Variants in DENND2A observed in about 807,000 individuals in gnomAD.
DENND2A encodes the protein DENN domain containing 2A, also known as DENN domain-containing protein 2A.
DENND2A carries 53 observed loss-of-function variants against 105.3 expected under a neutral mutation model. The observed-to-expected ratio is 0.50, with a 90% CI of 0.40 to 0.63. The LOEUF is 0.63. Among genes scored for constraint, DENND2A ranks in the 30% least tolerant of loss-of-function variants. The pLI is 0.00. For missense variants in DENND2A, 1,138 were observed against 1,279.6 expected, an observed-to-expected ratio of 0.89 and a Z score of 1.69; for synonymous variants, 522 against 508.4, an observed-to-expected ratio of 1.03 and a Z score of -0.36.
rs1279856417 is a variant in DENND2A at position 140,640,513 on chromosome 7, G to A, written c.-257C>T. 6.6e-6 allele frequency: 1 copy of A among 150,774 alleles called. No individual in the cohort carries two copies. Among genetic ancestry groups the A allele is most frequent in the Non-Finnish European group, 1.5e-5 (1 of 67,494 alleles). 9.3% of individuals were successfully genotyped at this position (150,774 alleles called of 1,614,324 possible). A position where few individuals can be genotyped will look rare whatever the true frequency, so the allele number is the denominator to read the frequency against. On this transcript the variant is annotated 5_prime_UTR_variant, in exon 1 of 20. Transcript: ENST00000496613. The surrounding 1 kb of genome is among the most constrained non-coding windows in gnomAD (Gnocchi z 4.9). ...CCCGGCCCGGCCCTACCTCCCCGCG[G>A]GCGGCGGCTCCGCGGGCTCTGGGGC...
In DENND2A at chr7:140,518,700, C is replaced by T; in HGVS notation, c.*7G>A. 6.2e-7 allele frequency: 1 copy of T among 1,613,454 alleles called. No individual in the cohort carries two copies. Among genetic ancestry groups the T allele is most frequent in the Non-Finnish European group, 8.5e-7 (1 of 1,179,412 alleles). On this transcript the variant is annotated 3_prime_UTR_variant, in exon 20 of 20. Coordinates refer to ENST00000496613, the MANE Select transcript of DENND2A (RefSeq NM_015689.5). ...ACTAGGAGGAAGTTTTCCCTTGAGG[C>T]TGAGAGTTATTTCTTGTGGAGAAAT...
chr7:140,555,837 C>T, intron 11 of DENND2A, 124 bp from the exon 12 acceptor site: 1 of 676,438 alleles, frequency 1.5e-6, no homozygotes, highest in South Asian at 2.3e-5. Flanking sequence ...TCTGGAAAAC[C>T]CAATAAAGTA....
chr7:140,568,440 G>A (rs372769213), intron 8 of DENND2A, among the ~76,000 whole-genome samples: 7 of 152,208 alleles, frequency 4.6e-5, no homozygotes, highest in African/African-American at 1.7e-4. Flanking sequence ...GTGGGCAGAA[G>A]CTCCAGGTCT....
At chr7:140,534,994 G>C (rs1459630986) in intron 14 of DENND2A, among the ~76,000 whole-genome samples, 2 of 152,126 alleles carry the variant, frequency 1.3e-5, no homozygotes, top group Non-Finnish European at 2.9e-5. Flanking sequence ...AGAACATCAG[G>C]ACGCACTTGT....
At chr7:140,632,781 C>G (rs1034997343) in intron 1 of DENND2A, among the ~76,000 whole-genome samples, 2 of 150,934 alleles carry the variant, frequency 1.3e-5, no homozygotes, top group African/African-American at 4.9e-5. Context: ...CCAGACGGAT[C>G]TCCAACTCCT....
At position 140,640,107 on chromosome 7, in the gene DENND2A, TCACA is replaced by T. The variant is rs1181650144; in HGVS notation, c.-248+393_-248+396del. 1 of 152,416 alleles carries T rather than the reference TCACA, an allele frequency of 6.6e-6. No homozygotes were observed. Among genetic ancestry groups the T allele is most frequent in the African/African-American group, 2.4e-5 (1 of 41,278 alleles). The allele number at this position is 152,416 out of a possible 1,614,324, so 9.4% of individuals were successfully genotyped here. A position where few individuals can be genotyped will look rare whatever the true frequency, so the allele number is the denominator to read the frequency against. On this transcript the variant is annotated intron_variant, in intron 1 of 19. Coordinates refer to ENST00000496613, the MANE Select transcript of DENND2A (RefSeq NM_015689.5). The surrounding 1 kb of genome is among the most constrained non-coding windows in gnomAD (Gnocchi z 4.9). ...CGCGCTTGCACGCGCACGCACACAC[TCACA>T]CACACTCGCACAGACACACTCACAC...
chr7:140,596,641 A>G (rs183615354), intron 3 of DENND2A, among the ~76,000 whole-genome samples: 21 of 152,360 alleles, frequency 1.4e-4, no homozygotes, highest in Admixed American at 1.4e-3. Flanking sequence ...TAAAGCTCCA[A>G]GGAAAGGCCA....
At chr7:140,580,436 C>G (rs1798495533) in intron 5 of DENND2A, among the ~76,000 whole-genome samples, 1 of 152,124 alleles carries the variant, frequency 6.6e-6, no homozygotes, top group Admixed American at 6.6e-5. Context: ...TCTCCCATGT[C>G]AGCATCCCGA....
At chr7:140,621,576 C>T (rs1054882545) in intron 1 of DENND2A, among the ~76,000 whole-genome samples, 30 of 152,078 alleles carry the variant, frequency 2.0e-4, no homozygotes, top group African/African-American at 7.0e-4. Flanking sequence ...ATTGAATCCT[C>T]GGATGCGGAA....
chr7:140,638,425 G>A (rs1801034926), intron 1 of DENND2A, among the ~76,000 whole-genome samples: 3 of 152,140 alleles, frequency 2.0e-5, no homozygotes, highest in Admixed American at 1.3e-4. Context: ...CCTGCCTCTT[G>A]ATCCTGGCAT....
Position 140,527,771 on chromosome 7 carries a change from G to C in DENND2A, c.2328-276C>G, listed in dbSNP as rs914368410. Among the ~76,000 whole-genome samples, 1 of 152,058 alleles carries C rather than the reference G, an allele frequency of 6.6e-6. No individual in the cohort carries two copies. The highest frequency in any genetic ancestry group is 1.5e-5 in the Non-Finnish European group (1 of 68,016). ...TGAGCTGCACGCCCTGCACTCTCCC[G>C]CCCTGACCTTTTTTTGTGATCTATA... is the stretch of plus-strand genomic sequence containing the variant. On this transcript the variant is annotated intron_variant, in intron 14 of 19. Transcript: ENST00000496613. This position sits in a 1 kb window ranked among gnomAD's most constrained non-coding sequence, Gnocchi z 4.9.
intron 12 of DENND2A, among the ~76,000 whole-genome samples, chr7:140,555,134 TC>T (rs1797304374): frequency 1.2e-5 from 1 of 86,276 alleles, no homozygotes; most frequent in African/African-American, 4.7e-5. Context: ...CTTCATTAAC[TC>T]TTTTTTTTTT....
At chr7:140,610,706 T>C (rs1799864261) in intron 1 of DENND2A, among the ~76,000 whole-genome samples, 1 of 152,062 alleles carries the variant, frequency 6.6e-6, no homozygotes, top group African/African-American at 2.4e-5. Context: ...TTCCCACAAG[T>C]AGGAAGAGGA....
chr7:140,527,133 T>G lies in DENND2A; in HGVS notation c.2505+185A>C, dbSNP rs1796084704. ...TTGGAAGGGAAAACAGTGTTTGCAG[T>G]CACTGAGGGTCTGACTGAGTCAGCC... On this transcript the variant is annotated intron_variant, in intron 15 of 19. Transcript: ENST00000496613. The surrounding 1 kb of genome is among the most constrained non-coding windows in gnomAD (Gnocchi z 4.9). 1.3e-5 allele frequency among the ~76,000 whole-genome samples: 2 copies of G among 152,174 alleles called. No homozygotes were observed. The highest frequency in any genetic ancestry group is 4.8e-5 in the African/African-American group (2 of 41,430).
chr7:140,519,780 A>T, intron 18 of DENND2A, 62 bp from the exon 19 acceptor site: 3 of 1,425,644 alleles, frequency 2.1e-6, no homozygotes, highest in Non-Finnish European at 3.0e-6. Flanking sequence ...AAATGTGTCC[A>T]TTTCCTCCCT....
intron 1 of DENND2A, among the ~76,000 whole-genome samples, chr7:140,612,505 A>AG (rs576223402): frequency 3.4e-5 from 5 of 145,482 alleles, no homozygotes; most frequent in African/African-American, 1.3e-4. Flanking sequence ...TGTTATACTA[A>AG]TTTTTTTTTT....
chr7:140,595,382 A>T (rs949745820), intron 3 of DENND2A, among the ~76,000 whole-genome samples: 5 of 146,982 alleles, frequency 3.4e-5, no homozygotes, highest in Non-Finnish European at 6.0e-5. Flanking sequence ...TTCAAGATTT[A>T]AAAAAAAAAA....
chr7:140,519,409 C>G (rs1795772640), intron 19 of DENND2A, among the ~76,000 whole-genome samples: 1 of 152,198 alleles, frequency 6.6e-6, no homozygotes, highest in Non-Finnish European at 1.5e-5. Flanking sequence ...AGCAAGAAAG[C>G]CCGGGGACCC....
Position 140,559,601 on chromosome 7 carries a change from A to G in DENND2A, c.1889+107T>C. On this transcript the variant is annotated intron_variant, in intron 10 of 19. Transcript: ENST00000496613. This position sits in a 1 kb window ranked among gnomAD's most constrained non-coding sequence, Gnocchi z 4.1. ...GGGAAAGCTCTAGGCCAGGCCCATC[A>G]GGATTACTTAACGGTGGGAATGACT... 1.3e-6 allele frequency: 1 copy of G among 793,630 alleles called. No homozygotes were observed. Among genetic ancestry groups the G allele is most frequent in the Admixed American group, 2.5e-5 (1 of 39,858 alleles). The allele number at this position is 793,630 out of a possible 1,614,324, so 49.2% of individuals were successfully genotyped here. A position where few individuals can be genotyped will look rare whatever the true frequency, so the allele number is the denominator to read the frequency against.
Sources: gnomAD v4.1 joint callset for allele counts (sites outside exome capture counted in the v4.1 genomes callset) on GRCh38, gnomAD v4.1.1 for gene constraint, Gnocchi (gnomAD v3.1) non-coding constraint, MANE v1.5 for transcripts, NCBI Gene and HGNC (gene_info 2026-07-23, HGNC 2026-07-21) for gene names.